Variants in PRKCE observed in about 807,000 individuals in gnomAD.
The protein encoded by PRKCE is protein kinase C epsilon type.
PRKCE carries 16 observed loss-of-function variants against 85.4 expected under a neutral mutation model. The ratio of observed to expected loss-of-function variants is 0.19; its 90% confidence interval spans 0.13 to 0.28. PRKCE has a LOEUF of 0.28. Among genes scored for constraint, PRKCE ranks in the 10% least tolerant of loss-of-function variants. The probability of loss-of-function intolerance (pLI) is 1.00; values close to 1 mark genes in which losing one functional copy is unlikely to be tolerated. For missense variants in PRKCE, 573 were observed against 975.2 expected (o/e 0.59, Z 5.49); for synonymous variants, 388 against 371.5 (o/e 1.04, Z -0.51).
Position 46,030,314 on chromosome 2 carries a change from T to C in PRKCE, c.1437+19797T>C, listed in dbSNP as rs73926166. On this transcript the variant is annotated intron_variant, in intron 10 of 14. Transcript: ENST00000306156. ...CCATACAACAGATGTGAACCTCCTG[T>C]CTAACCCCCAGGTCCTTTAAACCCA... 4.1e-3 allele frequency among the ~76,000 whole-genome samples: 630 copies of C among 152,318 alleles called. 4 individuals carry two copies. The highest frequency in any genetic ancestry group is 0.014 in the African/African-American group (594 of 41,572).
intron 10 of PRKCE, among the ~76,000 whole-genome samples, chr2:46,035,117 A>G (rs573120694): frequency 6.6e-6 from 1 of 152,356 alleles, no homozygotes; most frequent in East Asian, 1.9e-4. Context: ...CTGGCTCAGC[A>G]AAATCAGAAT....
At chr2:45,863,759 T>C (rs1487060403) in intron 2 of PRKCE, among the ~76,000 whole-genome samples, 1 of 151,582 alleles carries the variant, frequency 6.6e-6, no homozygotes, top group East Asian at 2.0e-4. Flanking sequence ...TCTTTTTTGC[T>C]AGGGGGAGGA....
intron 1 of PRKCE, among the ~76,000 whole-genome samples, chr2:45,817,115 G>A (rs905038428): frequency 9.7e-5 from 14 of 143,772 alleles, no homozygotes; most frequent in Middle Eastern, 7.3e-3. Flanking sequence ...GTGTGTTGTG[G>A]GTAGGGACAT....
At chr2:46,095,263 C>G (rs1046130105) in intron 11 of PRKCE, among the ~76,000 whole-genome samples, 4 of 152,192 alleles carry the variant, frequency 2.6e-5, no homozygotes, top group African/African-American at 9.7e-5. Flanking sequence ...TCCCAGAGTC[C>G]TGCCTAAAGG....
At chr2:45,856,432 T>C (rs1045907700) in intron 2 of PRKCE, among the ~76,000 whole-genome samples, 2 of 152,170 alleles carry the variant, frequency 1.3e-5, no homozygotes, top group African/African-American at 4.8e-5. Flanking sequence ...ATTTTCACCA[T>C]GTTGGTCAGG....
In PRKCE at chr2:46,004,128, C is replaced by A. The variant is rs988142795; in HGVS notation, c.967-414C>A. On this transcript the variant is annotated intron_variant, in intron 7 of 14. Transcript: ENST00000306156. The surrounding 1 kb of genome is among the most constrained non-coding windows in gnomAD (Gnocchi z 4.1). ...AACATTAGCCTTTTCCTGCTGTACC[C>A]GTCCAATGTAGATGATGTATTTCTT... The A allele has an allele frequency of 3.7e-6, 1 of 269,676 alleles. No individual in the cohort carries two copies. The highest frequency in any genetic ancestry group is 7.3e-6 in the Non-Finnish European group (1 of 136,720). The allele number at this position is 269,676 out of a possible 1,614,324, so 16.7% of individuals were successfully genotyped here. A position where few individuals can be genotyped will look rare whatever the true frequency, so the allele number is the denominator to read the frequency against.
At position 45,853,094 on chromosome 2, in the gene PRKCE, C is replaced by G. The variant is rs547797962; in HGVS notation, c.412+10031C>G. ...ATGTGCAGATTTTTCTTTCTCGAGT[C>G]CCGATCACTTAGTCCTTCTCAAAAT... is the stretch of plus-strand genomic sequence containing the variant. On this transcript the variant is annotated intron_variant, in intron 2 of 14. Coordinates refer to ENST00000306156, the MANE Select transcript of PRKCE (RefSeq NM_005400.3). 2.0e-5 allele frequency among the ~76,000 whole-genome samples: 3 copies of G among 152,256 alleles called. No individual in the cohort carries two copies. The East Asian group carries it at 5.8e-4, about 29-fold the overall frequency.
chr2:45,711,206 A>G (rs1679605861), intron 1 of PRKCE, among the ~76,000 whole-genome samples: 1 of 152,252 alleles, frequency 6.6e-6, no homozygotes, highest in Non-Finnish European at 1.5e-5. Flanking sequence ...TTCCTTAGCT[A>G]TAAAGCAGGG....
intron 1 of PRKCE, among the ~76,000 whole-genome samples, chr2:45,781,881 G>A (rs1298918533): frequency 6.6e-6 from 1 of 152,048 alleles, no homozygotes; most frequent in Non-Finnish European, 1.5e-5. Context: ...AGCCACCCTG[G>A]TCCAGGGTCC....
chr2:45,862,183 TACACACACACACACAC>T lies in PRKCE; in HGVS notation c.412+19150_412+19165del, dbSNP rs6146747. Among the ~76,000 whole-genome samples the T allele has an allele frequency of 2.1e-3, 308 of 144,004 alleles. 2 individuals carry two copies. The highest frequency in any genetic ancestry group is 0.014 in the East Asian group (72 of 4,992). The allele number at this position is 144,004 out of a possible 152,430, so 94.5% of individuals were successfully genotyped here. A position where few individuals can be genotyped will look rare whatever the true frequency, so the allele number is the denominator to read the frequency against. ...CCCTAGTGTAACCTTTCTTCTTGTA[TACACACACACACACAC>T]ACACACACACACACACACACACACA... On this transcript the variant is annotated intron_variant, in intron 2 of 14. Coordinates refer to ENST00000306156, the MANE Select transcript of PRKCE (RefSeq NM_005400.3).
chr2:45,801,711 G>C (rs1317613978), intron 1 of PRKCE, among the ~76,000 whole-genome samples: 1 of 152,158 alleles, frequency 6.6e-6, no homozygotes, highest in Admixed American at 6.5e-5. Context: ...GTGGGAGACT[G>C]TGGGAAAGGA....
chr2:45,776,048 G>A (rs1685724630), intron 1 of PRKCE, among the ~76,000 whole-genome samples: 1 of 152,138 alleles, frequency 6.6e-6, no homozygotes, highest in Admixed American at 6.5e-5. Context: ...AAACCGCAAT[G>A]CCCTTCCCCC....
chr2:45,860,972 G>A (rs922858593), intron 2 of PRKCE, among the ~76,000 whole-genome samples: 3 of 152,170 alleles, frequency 2.0e-5, no homozygotes, highest in Non-Finnish European at 4.4e-5. Context: ...AGTGAATAAC[G>A]CAGATCTTTG....
intron 2 of PRKCE, 71 bp downstream of exon 2, chr2:45,843,134 C>G: frequency 7.3e-7 from 1 of 1,361,378 alleles, no homozygotes; most frequent in Non-Finnish European, 1.0e-6. Context: ...CTTCTTTCCC[C>G]CCCTTGGCCG....
intron 1 of PRKCE, among the ~76,000 whole-genome samples, chr2:45,670,558 G>C (rs1676110975): frequency 6.6e-6 from 1 of 152,094 alleles, no homozygotes; most frequent in Non-Finnish European, 1.5e-5. Flanking sequence ...GTGAGTCCCA[G>C]TTTAAAAAAA....
intron 1 of PRKCE, among the ~76,000 whole-genome samples, chr2:45,838,090 G>T (rs1263827729): frequency 6.6e-6 from 1 of 152,170 alleles, no homozygotes; most frequent in African/African-American, 2.4e-5. Context: ...TCTCATTGCT[G>T]CCCAGACCTC....
chr2:45,697,244 C>T lies in PRKCE; in HGVS notation c.348+44796C>T, dbSNP rs578111686. 1.3e-4 allele frequency among the ~76,000 whole-genome samples: 20 copies of T among 152,060 alleles called. No homozygotes were observed. The East Asian group carries it at 2.5e-3, about 19-fold the overall frequency. ...AGGGCCTGTGTAGGTGAAGAGGGGG[C>T]GCACCCCACTGGCTGGCCTGGCCCT... On this transcript the variant is annotated intron_variant, in intron 1 of 14. Transcript: ENST00000306156. The surrounding 1 kb of genome is among the most constrained non-coding windows in gnomAD (Gnocchi z 4.2).
At chr2:45,917,223 G>C (rs1186209489) in intron 2 of PRKCE, among the ~76,000 whole-genome samples, 2 of 152,196 alleles carry the variant, frequency 1.3e-5, no homozygotes, top group African/African-American at 4.8e-5. Flanking sequence ...AGATTAGCTA[G>C]ATACAGAGTG....
chr2:45,705,737 G>T (rs980070591), intron 1 of PRKCE, among the ~76,000 whole-genome samples: 23 of 152,208 alleles, frequency 1.5e-4, no homozygotes, highest in African/African-American at 5.3e-4. Flanking sequence ...TGGTGGTATA[G>T]GTAGCTTTAC....
Sources: allele counts gnomAD v4.1 joint callset (sites outside exome capture counted in the v4.1 genomes callset), GRCh38; gene constraint gnomAD v4.1.1; non-coding constraint Gnocchi (gnomAD v3.1); transcripts MANE v1.5; gene names NCBI Gene and HGNC (gene_info 2026-07-23, HGNC 2026-07-21).